ACSM2A: variants seen among roughly 807,000 people sequenced by gnomAD.
ACSM2A encodes acyl-coenzyme A synthetase ACSM2A, mitochondrial.
In ACSM2A, 72 loss-of-function variants were observed where a neutral mutation model predicts 76.6. That is an observed-to-expected ratio of 0.94 (90% CI 0.78 to 1.14). The LOEUF is 1.14. Ranked by LOEUF, ACSM2A falls within the 50% of genes most tolerant of loss-of-function variation. ACSM2A has a pLI of 0.00. For missense variants in ACSM2A, 684 were observed against 708.5 expected (o/e 0.97, Z 0.39); for synonymous variants, 249 against 255.9 (o/e 0.97, Z 0.26).
chr16:20,465,634 G>C lies in ACSM2A; in HGVS notation c.295G>C (p.Gly99Arg), dbSNP rs1242915410. Residue 99 changes from glycine to arginine, a missense_variant, in exon 3 of 14, where the codon GGA (glycine) becomes CGA (arginine). Transcript: ENST00000573854. ...CCAGCAGGCAGCCAACGTCCTCTCG[G>C]GAGCCTGTGGCCTGCAGCGTGGGGA... is the stretch of plus-strand genomic sequence containing the variant. The part of the protein sequence containing the change: ...NSQQAANVLS[G>R]ACGLQRGDRV... 12 of 1,613,888 alleles carry C rather than the reference G, an allele frequency of 7.4e-6. No individual in the cohort carries two copies. The highest frequency in any genetic ancestry group is 8.5e-6 in the Non-Finnish European group (10 of 1,179,886).
chr16:20,481,559 G>A (rs2014083573), intron 12 of ACSM2A: 1 of 151,218 alleles, frequency 6.6e-6, no homozygotes, highest in Non-Finnish European at 1.5e-5. Flanking sequence ...AGATACCAGA[G>A]GCTGGGAAGG....
Position 20,481,182 on chromosome 16 carries a change from T to G in ACSM2A, c.1509+261T>G. 1.0e-5 allele frequency: 5 copies of G among 489,258 alleles called. No homozygotes were observed. The South Asian group carries it at 1.5e-4, about 14-fold the overall frequency. The allele number at this position is 489,258 out of a possible 1,614,324, so 30.3% of individuals were successfully genotyped here. ...TAAGTATGGTGATTTCTAAAAAAAC[T>G]AAACAGAACTACCATACGATCCAGC... On this transcript the variant is annotated intron_variant, in intron 12 of 13. Coordinates refer to ENST00000573854, the MANE Select transcript of ACSM2A (RefSeq NM_001308172.2).
At chr16:20,460,430 C>A (rs1218616373) in intron 2 of ACSM2A, 139 bp downstream of exon 2, 1 of 1,474,784 alleles carries the variant, frequency 6.8e-7, no homozygotes, top group Non-Finnish European at 9.0e-7. Context: ...ACTCGTCTTC[C>A]ATGAAGGCAG....
intron 13 of ACSM2A, among the ~76,000 whole-genome samples, chr16:20,484,670 T>C (rs1182334074): frequency 6.7e-6 from 1 of 149,772 alleles, no homozygotes; most frequent in African/African-American, 2.5e-5. Flanking sequence ...TTAGTCTCAA[T>C]GGGAACTCCA....
At chr16:20,464,607 C>T (rs146312374) in intron 2 of ACSM2A, among the ~76,000 whole-genome samples, 3,873 of 152,168 alleles carry the variant, frequency 0.025, 87 homozygotes, top group Non-Finnish European at 0.04. Flanking sequence ...CTAAGCCATT[C>T]ATGAGGGTCC....
At chr16:20,462,831 A>C (rs936255293) in intron 2 of ACSM2A, among the ~76,000 whole-genome samples, 2 of 152,080 alleles carry the variant, frequency 1.3e-5, no homozygotes, top group African/African-American at 4.8e-5. Flanking sequence ...TATACACCAA[A>C]AAAAACTTAA....
chr16:20,471,449 C>T (rs1363908307), intron 5 of ACSM2A, 87 bp from the exon 6 acceptor site: 1 of 1,522,192 alleles, frequency 6.6e-7, no homozygotes, highest in African/African-American at 1.4e-5. Context: ...GCACACACAC[C>T]TCCCTTTCCT....
chr16:20,472,592 G>A (rs757543636), intron 6 of ACSM2A, among the ~76,000 whole-genome samples: 28 of 151,940 alleles, frequency 1.8e-4, no homozygotes, highest in Non-Finnish European at 3.8e-4. Context: ...ATAAAGACAT[G>A]AAACATTCCC....
intron 8 of ACSM2A, chr16:20,476,230 T>G (rs1375253839): frequency 1.0e-6 from 1 of 999,004 alleles, no homozygotes. Context: ...ATGACTTTAC[T>G]GCACCTCCTG....
chr16:20,480,730 A>G (rs2014034415), intron 11 of ACSM2A, 30 bp downstream of exon 11: 3 of 1,608,012 alleles, frequency 1.9e-6, no homozygotes, highest in Non-Finnish European at 2.6e-6. Flanking sequence ...TGGGAAGGGA[A>G]ATCTGGGTCT....
At chr16:20,458,595 T>A (rs887202625) in intron 1 of ACSM2A, among the ~76,000 whole-genome samples, 24 of 143,860 alleles carry the variant, frequency 1.7e-4, no homozygotes, top group East Asian at 2.0e-4. Context: ...GTATATATAT[T>A]TTTTATATAT....
chr16:20,477,030 G>A (rs1221357645), intron 8 of ACSM2A: 1 of 226,048 alleles, frequency 4.4e-6, no homozygotes, highest in East Asian at 1.1e-4. Flanking sequence ...AGGCCTTACA[G>A]ATTGCATATT....
intron 13 of ACSM2A, among the ~76,000 whole-genome samples, chr16:20,485,936 G>A (rs1198000605): frequency 1.3e-5 from 2 of 152,194 alleles, no homozygotes; most frequent in Non-Finnish European, 2.9e-5. Flanking sequence ...AGAGATAGAG[G>A]ATCCTCAACT....
At position 20,486,706 on chromosome 16, in the gene ACSM2A, C is replaced by T. The variant is rs2014400345; in HGVS notation, c.*28C>T. The T allele has an allele frequency of 1.2e-6, 2 of 1,610,934 alleles. No individual in the cohort carries two copies. The highest frequency in any genetic ancestry group is 1.3e-5 in the African/African-American group (1 of 74,848). On this transcript the variant is annotated 3_prime_UTR_variant, in exon 14 of 14. Transcript: ENST00000573854. Reference sequence around the variant, plus strand: ...CATCTAAGAGACATTCATTTGGATTCCCCTCTTCTTTCTCTTTCTTTTCCC... The same window carrying T: ...CATCTAAGAGACATTCATTTGGATTTCCCTCTTCTTTCTCTTTCTTTTCCC...
chr16:20,456,811 A>G (rs2012185137), intron 1 of ACSM2A, among the ~76,000 whole-genome samples: 1 of 150,796 alleles, frequency 6.6e-6, no homozygotes, highest in South Asian at 2.1e-4. Context: ...TCAGAGCAGA[A>G]CTAAATGAAA....
At chr16:20,478,515 G>C (rs1596672693) in intron 9 of ACSM2A, 61 bp from the exon 10 acceptor site, 2 of 1,571,614 alleles carry the variant, frequency 1.3e-6, no homozygotes, top group South Asian at 2.3e-5. Context: ...GCAATCTCAT[G>C]ATGCCATTGA....
At chr16:20,479,034 C>T (rs1216199681) in intron 10 of ACSM2A, among the ~76,000 whole-genome samples, 2 of 152,174 alleles carry the variant, frequency 1.3e-5, no homozygotes, top group Non-Finnish European at 2.9e-5. Context: ...TGCTCTATGC[C>T]ATTGATCTTC....
At chr16:20,474,656 G>A (rs943368060) in intron 6 of ACSM2A, among the ~76,000 whole-genome samples, 12 of 152,196 alleles carry the variant, frequency 7.9e-5, no homozygotes, top group African/African-American at 2.9e-4. Flanking sequence ...GGTGTTATAC[G>A]ACAGGAATAC....
At chr16:20,466,134 G>GCTATGCCCACTTGTT (rs1567362393) in intron 3 of ACSM2A, among the ~76,000 whole-genome samples, 9 of 145,938 alleles carry the variant, frequency 6.2e-5, no homozygotes, top group Non-Finnish European at 1.1e-4. Flanking sequence ...TTATAACACA[G>GCTATGCCCACTTGTT]TATTATATGT....
Sources: gnomAD v4.1 joint callset for allele counts (sites outside exome capture counted in the v4.1 genomes callset) on GRCh38, gnomAD v4.1.1 for gene constraint, MANE v1.5 for transcripts, NCBI Gene and HGNC (gene_info 2026-07-23, HGNC 2026-07-21) for gene names.